KIF9: variants seen among roughly 807,000 people sequenced by gnomAD.
KIF9 encodes kinesin family member 9.
KIF9 carries 68 observed loss-of-function variants against 94.8 expected under a neutral mutation model. The observed-to-expected ratio is 0.72, with a 90% CI of 0.59 to 0.88. The LOEUF (loss-of-function observed/expected upper bound fraction) is 0.88, where lower values mean the gene tolerates loss of function less well. Among genes scored for constraint, KIF9 ranks in the 40% least tolerant of loss-of-function variants. The pLI is 0.00. For missense variants in KIF9, 882 were observed against 982.5 expected (o/e 0.90, Z 1.37); for synonymous variants, 343 against 362.1 (o/e 0.95, Z 0.60).
In KIF9 at chr3:47,235,551, T is replaced by C. The variant is rs1435030883; in HGVS notation, c.2284A>G (p.Ile762Val). ...QRVLPEGPDSISFYNAKVKIE... is the reference protein window; with the variant it reads ...QRVLPEGPDSVSFYNAKVKIE... ...TTGACTTTGGCATTGTAGAAGGAGA[T>C]GGAATCAGGGCCCTCAGGAAGCACC... The change falls in exon 20 of 21, where the codon ATC becomes GTC. Residue 762 changes from isoleucine (I) to valine (V), a missense_variant. Physicochemically the swap from Ile to Val is conservative, Grantham distance 29. Coordinates refer to ENST00000684063, the MANE Select transcript of KIF9 (RefSeq NM_182902.4). 6.2e-7 allele frequency: 1 copy of C among 1,614,096 alleles called. No individual in the cohort carries two copies. The highest frequency in any genetic ancestry group is 1.1e-5 in the South Asian group (1 of 91,080).
At chr3:47,250,010 T>C (rs1307853903) in intron 10 of KIF9, among the ~76,000 whole-genome samples, 1 of 151,904 alleles carries the variant, frequency 6.6e-6, no homozygotes, top group Non-Finnish European at 1.5e-5. Context: ...GACCGCACCA[T>C]TGCACTCCAG....
At chr3:47,257,933 C>T (rs1474419541) in intron 9 of KIF9, among the ~76,000 whole-genome samples, 3 of 152,208 alleles carry the variant, frequency 2.0e-5, no homozygotes, top group Non-Finnish European at 2.9e-5. Flanking sequence ...GTTCCACTCT[C>T]TCTCCAAGGC....
intron 8 of KIF9, 140 bp from the exon 9 acceptor site, chr3:47,264,490 G>A: frequency 3.1e-6 from 2 of 642,958 alleles, no homozygotes; most frequent in Admixed American, 4.4e-5. Flanking sequence ...AGGCTGTAGT[G>A]CAGTGACACA....
chr3:47,244,731 T>C, intron 15 of KIF9, 60 bp downstream of exon 15: 1 of 1,596,578 alleles, frequency 6.3e-7, no homozygotes, highest in Non-Finnish European at 8.6e-7. Context: ...GTGCACATCC[T>C]CCCATGCACC....
intron 17 of KIF9, 36 bp from the exon 18 acceptor site, chr3:47,236,655 G>A (rs1396239650): frequency 1.9e-6 from 3 of 1,597,264 alleles, no homozygotes; most frequent in Non-Finnish European, 1.7e-6. Flanking sequence ...AAATGAGGAG[G>A]TGTCCACCTG....
intron 9 of KIF9, among the ~76,000 whole-genome samples, chr3:47,262,761 A>G (rs771757048): frequency 2.6e-5 from 4 of 152,232 alleles, no homozygotes; most frequent in Non-Finnish European, 5.9e-5. Context: ...CCCTGCAGGC[A>G]TGTCTTGCCC....
At chr3:47,272,829 A>T (rs1701731057) in intron 4 of KIF9, among the ~76,000 whole-genome samples, 1 of 152,188 alleles carries the variant, frequency 6.6e-6, no homozygotes, top group African/African-American at 2.4e-5. Flanking sequence ...GTGGGATATT[A>T]AGGGTATTGC....
chr3:47,279,519 T>G lies in KIF9; in HGVS notation c.-5-2140A>C, dbSNP rs1377107239. 2.0e-5 allele frequency among the ~76,000 whole-genome samples: 3 copies of G among 152,094 alleles called. No individual in the cohort carries two copies. In the East Asian group the frequency reaches 5.8e-4, roughly 29 times the overall value. On this transcript the variant is annotated intron_variant, in intron 1 of 20. Coordinates refer to ENST00000684063, the MANE Select transcript of KIF9 (RefSeq NM_182902.4). The stretch of plus-strand genomic sequence containing the variant: ...AAAAATCTAAGTAACTTTTAAGATG[T>G]TAACCATAAAAACCCCTCATGTATA...
intron 14 of KIF9, 59 bp downstream of exon 14, chr3:47,245,362 A>T: frequency 7.8e-7 from 1 of 1,281,644 alleles, no homozygotes; most frequent in South Asian, 1.2e-5. Flanking sequence ...TGGCTCTGCA[A>T]AGGTCTGAGG....
intron 10 of KIF9, among the ~76,000 whole-genome samples, chr3:47,254,168 G>A (rs1700431979): frequency 6.6e-6 from 1 of 152,152 alleles, no homozygotes; most frequent in Admixed American, 6.5e-5. Flanking sequence ...AGAAAGTGTA[G>A]GTATTTTGGC....
intron 20 of KIF9, among the ~76,000 whole-genome samples, chr3:47,230,976 C>T (rs947369553): frequency 3.9e-5 from 6 of 152,060 alleles, no homozygotes; most frequent in Non-Finnish European, 8.8e-5. Context: ...GGGGCAGAGG[C>T]TGCCGTAAGC....
In KIF9 at chr3:47,247,383, T is replaced by C. The variant is rs1167383874; in HGVS notation, c.1223A>G (p.Asp408Gly). ...AGAGGGGTTCCTTACGTCGATCTCG[T>C]CCAGTGTCCCCTCCAGGTACCTCCG... ...QVRRYLEGTL[D>G]EIDIISLRQI... Residue 408 changes from aspartate to glycine, a missense_variant, in exon 12 of 21, where the codon GAC becomes GGC. Physicochemically the swap from Asp to Gly is moderately conservative, Grantham distance 94 (BLOSUM62 -1). Transcript: ENST00000684063. 2 of 1,611,986 alleles carry C rather than the reference T, an allele frequency of 1.2e-6. No homozygotes were observed. Among genetic ancestry groups the C allele is most frequent in the African/African-American group, 1.3e-5 (1 of 74,866 alleles).
At position 47,240,880 on chromosome 3, in the gene KIF9, C is replaced by T. The variant is rs1480865590; in HGVS notation, c.1845G>A (p.Gln615=). The T allele has an allele frequency of 6.2e-7, 1 of 1,614,178 alleles. No homozygotes were observed. Among genetic ancestry groups the T allele is most frequent in the Non-Finnish European group, 8.5e-7 (1 of 1,180,032 alleles). ...TCTCCCGCTTGATGGCATTGATGTG[C>T]TGTGTGGTCTCGCTGGCCCTTTTCC... ...ERRKRASETT[Q]HINAIKREID... is the part of the protein sequence containing the mutation. Residue 615 remains glutamine, a synonymous_variant, in exon 17 of 21, where the codon CAG becomes CAA. Transcript: ENST00000684063.
intron 16 of KIF9, among the ~76,000 whole-genome samples, chr3:47,241,750 CGTAT>C (rs1213894326): frequency 1.9e-4 from 26 of 136,654 alleles, no homozygotes; most frequent in African/African-American, 6.4e-4. Context: ...TGTATATATA[CGTAT>C]ATATACATAT....
chr3:47,277,185 G>A lies in KIF9; in HGVS notation c.93+97C>T, dbSNP rs887749214. On this transcript the variant is annotated intron_variant, in intron 2 of 20. Coordinates refer to ENST00000684063, the MANE Select transcript of KIF9 (RefSeq NM_182902.4). ...AGTCCATTGGATCCTGTCCAATTCT[G>A]TCTTGGTCCTTCAAAGGTTGCTTGG... The A allele has an allele frequency of 2.5e-5, 21 of 832,888 alleles. No individual in the cohort carries two copies. The African/African-American group carries it at 3.6e-4, about 14-fold the overall frequency. 51.6% of individuals were successfully genotyped at this position (832,888 alleles called of 1,614,324 possible). A position where few individuals can be genotyped will look rare whatever the true frequency, so the allele number is the denominator to read the frequency against.
chr3:47,246,968 G>T (rs751848753), intron 12 of KIF9, among the ~76,000 whole-genome samples: 4 of 152,036 alleles, frequency 2.6e-5, no homozygotes, highest in Non-Finnish European at 5.9e-5. Flanking sequence ...TGGGCCCTGG[G>T]GTCTACCTTG....
intron 10 of KIF9, among the ~76,000 whole-genome samples, chr3:47,256,674 G>T (rs1345144882): frequency 6.6e-6 from 1 of 152,254 alleles, no homozygotes; most frequent in Non-Finnish European, 1.5e-5. Context: ...GGGCCATGAT[G>T]ACAGTGGCAG....
Position 47,282,502 on chromosome 3 carries a change from C to T in KIF9, c.-13G>A. 1.0e-6 allele frequency: 1 copy of T among 995,300 alleles called. No individual in the cohort carries two copies. Among genetic ancestry groups the T allele is most frequent in the Non-Finnish European group, 1.2e-6 (1 of 835,246 alleles). The allele number at this position is 995,300 out of a possible 1,614,324, so 61.7% of individuals were successfully genotyped here. A position where few individuals can be genotyped will look rare whatever the true frequency, so the allele number is the denominator to read the frequency against. On this transcript the variant is annotated 5_prime_UTR_variant, in exon 1 of 21. Coordinates refer to ENST00000684063, the MANE Select transcript of KIF9 (RefSeq NM_182902.4). ...CGAGCAGCCCCTGCTCACCGTTCAC[C>T]AGGCAGCGACGCTCCCGGGACGCGA... is the stretch of plus-strand genomic sequence containing the variant.
chr3:47,261,353 G>C (rs1477658654), intron 9 of KIF9, among the ~76,000 whole-genome samples: 1 of 152,198 alleles, frequency 6.6e-6, no homozygotes, highest in African/African-American at 2.4e-5. Flanking sequence ...TCTCTGGAGG[G>C]GGAGCCAGCC....
Sources: gnomAD v4.1 joint callset for allele counts (sites outside exome capture counted in the v4.1 genomes callset) on GRCh38, gnomAD v4.1.1 for gene constraint, MANE v1.5 for transcripts, NCBI Gene and HGNC (gene_info 2026-07-23, HGNC 2026-07-21) for gene names.